Variants in CELSR3 observed in about 807,000 individuals in gnomAD.
The protein encoded by CELSR3 is cadherin EGF LAG seven-pass G-type receptor 3, also known as EGF-like protein 1.
A neutral mutation model predicts 270.0 loss-of-function variants in CELSR3; 73 were observed. The ratio of observed to expected loss-of-function variants is 0.27; its 90% CI spans 0.22 to 0.33. The LOEUF (loss-of-function observed/expected upper bound fraction) is 0.33. Among genes scored for constraint, CELSR3 ranks in the 10% least tolerant of loss-of-function variants. The pLI, the probability that CELSR3 is intolerant of heterozygous loss-of-function variation, is 1.00. For missense variants in CELSR3, 3,614 were observed against 4,533.8 expected (o/e 0.80, Z 5.83); for synonymous variants, 1,780 against 1,905.4 (o/e 0.93, Z 1.71).
chr3:48,647,972 T>C lies in CELSR3; in HGVS notation c.6998A>G (p.His2333Arg). Residue 2333 changes from histidine (H) to arginine (R), a missense_variant, in exon 20 of 35, where the codon CAC (histidine) becomes CGC (arginine). By Grantham distance (29) the His-to-Arg change is conservative (BLOSUM62 0). Transcript: ENST00000164024. ...ACGGGCCCCCCGGGGAGAACTGGGGTGCTCCATGCGGTCAATGCTGAGCAC... is the reference window on the plus strand; with the variant it reads ...ACGGGCCCCCCGGGGAGAACTGGGGCGCTCCATGCGGTCAATGCTGAGCAC... ...NIMLSIDRME[H>R]PSSPRGARRY... is the part of the protein sequence containing the mutation. 6.2e-7 allele frequency: 1 copy of C among 1,611,878 alleles called. No homozygotes were observed. Among genetic ancestry groups the C allele is most frequent in the Non-Finnish European group, 8.5e-7 (1 of 1,179,622 alleles).
At position 48,642,323 on chromosome 3, in the gene CELSR3, G is replaced by T; in HGVS notation, c.8665+35C>A. 6.3e-7 allele frequency: 1 copy of T among 1,591,680 alleles called. No homozygotes were observed. Among genetic ancestry groups the T allele is most frequent in the South Asian group, 1.1e-5 (1 of 89,236 alleles). On this transcript the variant is annotated intron_variant, in intron 31 of 34. Transcript: ENST00000164024. The surrounding 1 kb of genome is among the most constrained non-coding windows in gnomAD (Gnocchi z 6.1). ...AAAAGGGGATGGGGAGAGATCCTCT[G>T]CCTCCCTCCTCCCTGCCCCAGGCCC...
Position 48,659,727 on chromosome 3 carries a change from C to G in CELSR3, c.2908G>C (p.Val970Leu). Residue 970 changes from valine (V) to leucine (L), a missense_variant, in exon 1 of 35, where the codon GTC (valine) becomes CTC (leucine). Around this residue, in one of 7 missense-constraint regions of CELSR3, gnomAD observed 1,331 missense variants for 1,933.7 expected, o/e 0.69. Coordinates refer to ENST00000164024, the MANE Select transcript of CELSR3 (RefSeq NM_001407.3). The surrounding 1 kb of genome is among the most constrained non-coding windows in gnomAD (Gnocchi z 8.1). ...QFVASHYTGL[V>L]SEDAPPFTSV... ...GTGAAAGGTGGGGCATCCTCAGAGACCAGCCCTGTATAGTGGGAGGCCACA... is the reference window on the plus strand; with the variant it reads ...GTGAAAGGTGGGGCATCCTCAGAGAGCAGCCCTGTATAGTGGGAGGCCACA... 1.2e-6 allele frequency: 2 copies of G among 1,614,224 alleles called. No homozygotes were observed. Among genetic ancestry groups the G allele is most frequent in the Non-Finnish European group, 1.7e-6 (2 of 1,180,034 alleles).
rs917044118 is a variant in CELSR3 at position 48,650,730 on chromosome 3, G to A, written c.6371-149C>T. The A allele has an allele frequency of 2.8e-5, 29 of 1,036,676 alleles. No homozygotes were observed. The African/African-American group carries it at 4.1e-4, about 15-fold the overall frequency. The allele number at this position is 1,036,676 out of a possible 1,614,324, so 64.2% of individuals were successfully genotyped here. A position where few individuals can be genotyped will look rare whatever the true frequency, so the allele number is the denominator to read the frequency against. On this transcript the variant is annotated intron_variant, in intron 15 of 34. Coordinates refer to ENST00000164024, the MANE Select transcript of CELSR3 (RefSeq NM_001407.3). The surrounding 1 kb of genome is among the most constrained non-coding windows in gnomAD (Gnocchi z 5.1). ...GCTGACCTGTCAGATTCTGTGACAG[G>A]TCAGCAAAGTACTTGGGGCAAAGGT...
chr3:48,648,052 G>T, intron 19 of CELSR3, 56 bp from the exon 20 acceptor site: 1 of 1,594,618 alleles, frequency 6.3e-7, no homozygotes, highest in Non-Finnish European at 8.6e-7. Flanking sequence ...CCTGCCAAGG[G>T]TTCTACTCCC....
Position 48,642,308 on chromosome 3 carries a change from G to A in CELSR3, c.8665+50C>T. 6.4e-7 allele frequency: 1 copy of A among 1,566,698 alleles called. No individual in the cohort carries two copies. The highest frequency in any genetic ancestry group is 1.2e-5 in the South Asian group (1 of 86,390). ...AGTATGGGGTAGAAGAAAAGGGGAT[G>A]GGGAGAGATCCTCTGCCTCCCTCCT... On this transcript the variant is annotated intron_variant, in intron 31 of 34. Coordinates refer to ENST00000164024, the MANE Select transcript of CELSR3 (RefSeq NM_001407.3). This position sits in a 1 kb window ranked among gnomAD's most constrained non-coding sequence, Gnocchi z 6.1.
In CELSR3 at chr3:48,655,656, T is replaced by G; in HGVS notation, c.4741+80A>C. On this transcript the variant is annotated intron_variant, in intron 4 of 34. Transcript: ENST00000164024. This position sits in a 1 kb window ranked among gnomAD's most constrained non-coding sequence, Gnocchi z 5.8. Reference sequence around the variant, plus strand: ...GTGGAGTGTGTGCTCAGGTGCACAGTGAAGCAAACCTGAGGGGACTTGGGC... The same window carrying G: ...GTGGAGTGTGTGCTCAGGTGCACAGGGAAGCAAACCTGAGGGGACTTGGGC... 7.9e-7 allele frequency: 1 copy of G among 1,261,802 alleles called. No homozygotes were observed. Among genetic ancestry groups the G allele is most frequent in the Non-Finnish European group, 1.2e-6 (1 of 861,694 alleles). 78.2% of individuals were successfully genotyped at this position (1,261,802 alleles called of 1,614,324 possible). A position where few individuals can be genotyped will look rare whatever the true frequency, so the allele number is the denominator to read the frequency against.
At position 48,658,048 on chromosome 3, in the gene CELSR3, A is replaced by G. The variant is rs2077036031; in HGVS notation, c.3749-700T>C. 6.6e-6 allele frequency among the ~76,000 whole-genome samples: 1 copy of G among 152,122 alleles called. No homozygotes were observed. The highest frequency in any genetic ancestry group is 1.5e-5 in the Non-Finnish European group (1 of 68,010). On this transcript the variant is annotated intron_variant, in intron 1 of 34. Coordinates refer to ENST00000164024, the MANE Select transcript of CELSR3 (RefSeq NM_001407.3). This position sits in a 1 kb window ranked among gnomAD's most constrained non-coding sequence, Gnocchi z 4.7. ...CTCCAGACCTGGGTCCTGTGGTTTC[A>G]CAGTGACCACCCCAGAGATGAAGGT...
chr3:48,648,151 G>T, intron 19 of CELSR3, 115 bp downstream of exon 19: 2 of 1,421,052 alleles, frequency 1.4e-6, no homozygotes, highest in Non-Finnish European at 1.9e-6. Flanking sequence ...GAGGGCGGTG[G>T]CTGAGTCTCC....
Position 48,645,225 on chromosome 3 carries a change from C to A in CELSR3, c.7798-16G>T. The A allele has an allele frequency of 6.4e-7, 1 of 1,557,664 alleles. No individual in the cohort carries two copies. ...TGCACACCAGCTGAGGGCAGGGGGG[C>A]GTGTCAGGACCTCTCCTGCCTCACC... is the stretch of plus-strand genomic sequence containing the variant. On this transcript the variant is annotated splice_polypyrimidine_tract_variant and intron_variant, in intron 24 of 34. Coordinates refer to ENST00000164024, the MANE Select transcript of CELSR3 (RefSeq NM_001407.3). This position sits in a 1 kb window ranked among gnomAD's most constrained non-coding sequence, Gnocchi z 5.4.
chr3:48,652,857 A>C lies in CELSR3; in HGVS notation c.5634+145T>G. On this transcript the variant is annotated intron_variant, in intron 10 of 34. Coordinates refer to ENST00000164024, the MANE Select transcript of CELSR3 (RefSeq NM_001407.3). The surrounding 1 kb of genome is among the most constrained non-coding windows in gnomAD (Gnocchi z 4.3). ...TTGGCTGGTGGGTGGGCTCAGTGCA[A>C]GGATATATGGTGGGGAACTAGGGGT... The C allele has an allele frequency of 1.3e-6, 1 of 777,298 alleles. No individual in the cohort carries two copies. Among genetic ancestry groups the C allele is most frequent in the South Asian group, 1.7e-5 (1 of 59,394 alleles). 48.2% of individuals were successfully genotyped at this position (777,298 alleles called of 1,614,324 possible). A position where few individuals can be genotyped will look rare whatever the true frequency, so the allele number is the denominator to read the frequency against.
rs755959434 is a variant in CELSR3 at position 48,660,039 on chromosome 3, T to A, written c.2596A>T (p.Ser866Cys). ...CCCATTGGCCGATCTTCATTCACAC[T>A]CACTGAGTAGTGGGCACTTTGAAAG... ...PVFQSAHYSV[S>C]VNEDRPMGST... is the part of the protein sequence containing the mutation. The change falls in exon 1 of 35, where the codon AGT becomes TGT. Residue 866 changes from serine (S) to cysteine (C), a missense_variant. Ser to Cys is a moderately radical substitution (Grantham distance 112). Coordinates refer to ENST00000164024, the MANE Select transcript of CELSR3 (RefSeq NM_001407.3). The surrounding 1 kb of genome is among the most constrained non-coding windows in gnomAD (Gnocchi z 5.5). 6.1e-5 allele frequency: 98 copies of A among 1,614,082 alleles called. No homozygotes were observed. Among genetic ancestry groups the A allele is most frequent in the Non-Finnish European group, 8.3e-5 (98 of 1,180,050 alleles).
Position 48,653,255 on chromosome 3 carries a change from G to C in CELSR3, c.5449-68C>G, listed in dbSNP as rs1200187637. 1 of 1,413,982 alleles carries C rather than the reference G, an allele frequency of 7.1e-7. No individual in the cohort carries two copies. The highest frequency in any genetic ancestry group is 1.9e-5 in the Admixed American group (1 of 53,928). 87.6% of individuals were successfully genotyped at this position (1,413,982 alleles called of 1,614,324 possible). A position where few individuals can be genotyped will look rare whatever the true frequency, so the allele number is the denominator to read the frequency against. ...GGGCTGGGACTTGGAGGTGAGATCA[G>C]AGGGCTCAGAGGTCAGGAATATCAG... On this transcript the variant is annotated intron_variant, in intron 9 of 34. Transcript: ENST00000164024. The surrounding 1 kb of genome is among the most constrained non-coding windows in gnomAD (Gnocchi z 6.5).
chr3:48,655,187 G>A lies in CELSR3; in HGVS notation c.4845C>T (p.Ala1615=). Residue 1615 remains alanine, a synonymous_variant, in exon 6 of 35, where the codon GCC becomes GCT. Transcript: ENST00000164024. This position sits in a 1 kb window ranked among gnomAD's most constrained non-coding sequence, Gnocchi z 5.8. ...LRYYNKPRTD[A]LGGAQGPSKD... is the part of the protein sequence containing the mutation. ...TGGAGGGGCCCTGTGCACCCCCTAG[G>A]GCATCTGTCCGGGGCTGAAGACGCA... The A allele has an allele frequency of 6.2e-7, 1 of 1,613,920 alleles. No homozygotes were observed. The highest frequency in any genetic ancestry group is 8.5e-7 in the Non-Finnish European group (1 of 1,179,922).
Position 48,652,290 on chromosome 3 carries a change from G to T in CELSR3, c.5751+147C>A, listed in dbSNP as rs1347256261. ...CTAGACTCCCACCTCCAATGCCACA[G>T]AAAGGCTTGACCTAGCTCTCAACTC... On this transcript the variant is annotated intron_variant, in intron 11 of 34. Transcript: ENST00000164024. This position sits in a 1 kb window ranked among gnomAD's most constrained non-coding sequence, Gnocchi z 4.3. 7.9e-6 allele frequency: 6 copies of T among 756,864 alleles called. No homozygotes were observed. Among genetic ancestry groups the T allele is most frequent in the Non-Finnish European group, 1.3e-5 (6 of 448,628 alleles). The allele number at this position is 756,864 out of a possible 1,614,324, so 46.9% of individuals were successfully genotyped here. A position where few individuals can be genotyped will look rare whatever the true frequency, so the allele number is the denominator to read the frequency against.
intron 28 of CELSR3, 174 bp from the exon 29 acceptor site, chr3:48,643,257 G>A: frequency 1.6e-6 from 1 of 626,788 alleles, no homozygotes. Flanking sequence ...GGATGGAGCA[G>A]CAGGAGTGGC....
chr3:48,641,091 T>G lies in CELSR3; in HGVS notation c.9025+233A>C. 9.4e-6 allele frequency: 5 copies of G among 532,976 alleles called. No individual in the cohort carries two copies. Among genetic ancestry groups the G allele is most frequent in the Admixed American group, 3.4e-5 (1 of 29,316 alleles). The allele number at this position is 532,976 out of a possible 1,614,324, so 33.0% of individuals were successfully genotyped here. The stretch of plus-strand genomic sequence containing the variant: ...AAAAACAGATGGGCTGGGGCAGGAG[T>G]GGTCGCCTGTGGTCCCCCTGTGGTG... On this transcript the variant is annotated intron_variant, in intron 33 of 34. Coordinates refer to ENST00000164024, the MANE Select transcript of CELSR3 (RefSeq NM_001407.3). The surrounding 1 kb of genome is among the most constrained non-coding windows in gnomAD (Gnocchi z 4.8).
Position 48,653,772 on chromosome 3 carries a change from G to C in CELSR3, c.5295C>G (p.His1765Gln). The C allele has an allele frequency of 6.2e-7, 1 of 1,614,190 alleles. No individual in the cohort carries two copies. Among genetic ancestry groups the C allele is most frequent in the Non-Finnish European group, 8.5e-7 (1 of 1,180,032 alleles). ...TCAGTGTGCCGTTGCCACGGAAATG[G>C]TGGGGATGGGCCATAGCTGAGTGGA... ...KDCQLTMAHPHHFRGNGTLSW... is the reference protein window; with the variant it reads ...KDCQLTMAHPQHFRGNGTLSW... Residue 1765 changes from histidine (H) to glutamine (Q), a missense_variant, in exon 9 of 35, where the codon CAC becomes CAG. By Grantham distance (24) the His-to-Gln change is conservative. Transcript: ENST00000164024. This position sits in a 1 kb window ranked among gnomAD's most constrained non-coding sequence, Gnocchi z 6.5.
chr3:48,652,467 C>T lies in CELSR3; in HGVS notation c.5721G>A (p.Glu1907=), dbSNP rs748202190. ...TGCAGCCAACCAGACCCTGAGGAGC[C>T]TCCTCTGCACTGCCGGGGGGCAGGC... ...VGGLPPGSAE[E]APQGLVGCIQ... is the part of the protein sequence containing the mutation. Residue 1907 remains glutamate, a synonymous_variant, in exon 11 of 35, where the codon GAG becomes GAA. Transcript: ENST00000164024. The surrounding 1 kb of genome is among the most constrained non-coding windows in gnomAD (Gnocchi z 4.3). The T allele has an allele frequency of 6.2e-7, 1 of 1,613,882 alleles. No individual in the cohort carries two copies. The highest frequency in any genetic ancestry group is 8.5e-7 in the Non-Finnish European group (1 of 1,179,982).
chr3:48,643,740 G>T, intron 27 of CELSR3, 63 bp from the exon 28 acceptor site: 2 of 1,523,708 alleles, frequency 1.3e-6, no homozygotes, highest in South Asian at 1.2e-5. Flanking sequence ...CTCATGCAGG[G>T]AACACGGGAG....
Sources: allele counts gnomAD v4.1 joint callset (sites outside exome capture counted in the v4.1 genomes callset), GRCh38; gene constraint gnomAD v4.1.1; regional missense constraint gnomAD v4.1.1; non-coding constraint Gnocchi (gnomAD v3.1); transcripts MANE v1.5; gene names NCBI Gene and HGNC (gene_info 2026-07-23, HGNC 2026-07-21).